The following MPP7 variants were observed in gnomAD, a reference collection of about 807,000 sequenced individuals.
MPP7 encodes the protein MAGUK p55 scaffold protein 7.
A neutral mutation model predicts 76.5 loss-of-function variants in MPP7; 60 were observed. The observed-to-expected ratio is 0.78, with a 90% CI of 0.64 to 0.97. The LOEUF (loss-of-function observed/expected upper bound fraction) is 0.97, where lower values mean the gene tolerates loss of function less well. Ranked by LOEUF, MPP7 falls within the 50% of genes least tolerant of loss-of-function variation. The pLI, the probability that MPP7 is intolerant of heterozygous loss-of-function variation, is 0.00. For synonymous variants in MPP7, 237 were observed against 244.5 expected (o/e 0.97, Z 0.29); for missense variants, 641 against 694.0 (o/e 0.92, Z 0.86).
At chr10:28,268,606 C>A (rs1205151499) in intron 1 of MPP7, among the ~76,000 whole-genome samples, 1 of 151,964 alleles carries the variant, frequency 6.6e-6, no homozygotes, top group South Asian at 2.1e-4. Flanking sequence ...GTGGTGCACA[C>A]CTGTAATCCC....
intron 13 of MPP7, among the ~76,000 whole-genome samples, chr10:28,061,487 T>C (rs1381293634): frequency 1.3e-5 from 2 of 151,828 alleles, no homozygotes; most frequent in African/African-American, 2.4e-5. Context: ...AATAAAATTA[T>C]ATAATCTAAA....
At chr10:28,185,417 C>T (rs1286011085) in intron 3 of MPP7, among the ~76,000 whole-genome samples, 2 of 152,042 alleles carry the variant, frequency 1.3e-5, no homozygotes, top group African/African-American at 2.4e-5. Context: ...CAGAAAAGTA[C>T]TCAATATACC....
At chr10:28,111,481 T>G (rs1161112225) in intron 11 of MPP7, among the ~76,000 whole-genome samples, 4 of 152,120 alleles carry the variant, frequency 2.6e-5, no homozygotes, top group Non-Finnish European at 5.9e-5. Context: ...ATGTCTTTAA[T>G]AAGGGGATTA....
intron 2 of MPP7, among the ~76,000 whole-genome samples, chr10:28,321,302 A>G (rs1333404860): frequency 6.6e-6 from 1 of 152,230 alleles, no homozygotes; most frequent in Non-Finnish European, 1.5e-5. Context: ...TACTGCTCCA[A>G]ACATCTAAAT....
chr10:28,164,906 A>T (rs2133838303), intron 3 of MPP7, among the ~76,000 whole-genome samples: 1 of 152,324 alleles, frequency 6.6e-6, no homozygotes, highest in African/African-American at 2.4e-5. Flanking sequence ...AGACTTCACC[A>T]CTATACATAT....
chr10:28,199,092 C>A (rs1471462330), intron 3 of MPP7, among the ~76,000 whole-genome samples: 1 of 151,978 alleles, frequency 6.6e-6, no homozygotes, highest in East Asian at 1.9e-4. Flanking sequence ...AGGATGAGAG[C>A]CAAGCATAAG....
chr10:28,278,645 C>T (rs1158546325), intron 1 of MPP7, among the ~76,000 whole-genome samples: 1 of 151,692 alleles, frequency 6.6e-6, no homozygotes, highest in African/African-American at 2.4e-5. Context: ...GAACATGTAA[C>T]ACTGTATAGG....
At position 28,102,188 on chromosome 10, in the gene MPP7, C is replaced by T. The variant is rs534830125; in HGVS notation, c.953-12347G>A. ...TAAGAGATAGGGTTTTGCTCTGTCA[C>T]CCAGGCTGGAGTGGCATCATTGTAG... On this transcript the variant is annotated intron_variant, in intron 11 of 16. Coordinates refer to ENST00000683449, the MANE Select transcript of MPP7 (RefSeq NM_001318170.2). Among the ~76,000 whole-genome samples the T allele has an allele frequency of 2.6e-5, 4 of 152,220 alleles. No individual in the cohort carries two copies. The South Asian group carries it at 8.3e-4, about 32-fold the overall frequency.
chr10:28,330,460 G>T (rs1056857513), intron 1 of MPP7, among the ~76,000 whole-genome samples: 6 of 148,946 alleles, frequency 4.0e-5, no homozygotes, highest in African/African-American at 7.7e-5. Context: ...AAACAGAAAA[G>T]ATTTTTTATT....
intron 1 of MPP7, among the ~76,000 whole-genome samples, chr10:28,299,616 T>C (rs1379532181): frequency 2.0e-5 from 3 of 152,054 alleles, no homozygotes; most frequent in Non-Finnish European, 4.4e-5. Flanking sequence ...ATAGCACCAA[T>C]CGACTTGCAG....
chr10:28,213,452 A>G (rs930254208), intron 2 of MPP7, among the ~76,000 whole-genome samples: 2 of 152,186 alleles, frequency 1.3e-5, no homozygotes, highest in African/African-American at 4.8e-5. Context: ...ACTAGGAAAC[A>G]GGGTTTCATG....
chr10:28,305,448 G>T (rs1163107452), upstream of MPP7: 1 of 152,064 alleles, frequency 6.6e-6, no homozygotes, highest in African/African-American at 2.4e-5. Context: ...ATCAGGAATG[G>T]ATCTAGGAAG....
chr10:28,231,525 C>T (rs997792076), intron 2 of MPP7, among the ~76,000 whole-genome samples: 2 of 148,870 alleles, frequency 1.3e-5, no homozygotes, highest in Admixed American at 6.7e-5. Flanking sequence ...GAAGAGAGTG[C>T]GAAAATTACC....
chr10:28,318,195 G>C (rs534006561), intron 2 of MPP7, among the ~76,000 whole-genome samples: 2 of 152,270 alleles, frequency 1.3e-5, no homozygotes, highest in African/African-American at 2.4e-5. Flanking sequence ...CTCTTGGACT[G>C]ATCTATAATT....
At chr10:28,098,355 G>A (rs1013315222) in intron 11 of MPP7, among the ~76,000 whole-genome samples, 2 of 151,792 alleles carry the variant, frequency 1.3e-5, no homozygotes, top group African/African-American at 4.8e-5. Flanking sequence ...CTTACACTAT[G>A]AGTTTTACTT....
At chr10:28,310,842 T>A (rs936218319) in intron 2 of MPP7, among the ~76,000 whole-genome samples, 1 of 152,210 alleles carries the variant, frequency 6.6e-6, no homozygotes, top group African/African-American at 2.4e-5. Context: ...AGTCTATAAG[T>A]GTGGGGAATA....
intron 1 of MPP7, among the ~76,000 whole-genome samples, chr10:28,331,944 C>T (rs17685697): frequency 0.1 from 15,180 of 152,102 alleles, 957 homozygotes; most frequent in Non-Finnish European, 0.14. Flanking sequence ...CTTGGTATTG[C>T]TGAAGTCACA....
chr10:28,208,044 G>A (rs922842606), intron 2 of MPP7, among the ~76,000 whole-genome samples: 3 of 152,140 alleles, frequency 2.0e-5, no homozygotes, highest in African/African-American at 7.2e-5. Flanking sequence ...TGTAAAGTCA[G>A]AGAGAACTCT....
chr10:28,082,089 C>A (rs1182099897), intron 12 of MPP7, among the ~76,000 whole-genome samples: 1 of 152,144 alleles, frequency 6.6e-6, no homozygotes, highest in Non-Finnish European at 1.5e-5. Flanking sequence ...GACACTTATA[C>A]TTTTTCCATC....
Sources: gnomAD v4.1 joint callset for allele counts (sites outside exome capture counted in the v4.1 genomes callset) on GRCh38, gnomAD v4.1.1 for gene constraint, MANE v1.5 for transcripts, NCBI Gene and HGNC (gene_info 2026-07-23, HGNC 2026-07-21) for gene names.